Variants in LUZP2 observed in about 807,000 individuals in gnomAD.
The protein encoded by LUZP2 is leucine zipper protein 2.
LUZP2 carries 52 observed loss-of-function variants against 51.6 expected under a neutral mutation model. That is an observed-to-expected ratio of 1.01 (90% CI 0.81 to 1.27). LUZP2 has a LOEUF of 1.27. Ranked by LOEUF, LUZP2 falls within the 50% of genes most tolerant of loss-of-function variation. The pLI, the probability that LUZP2 is intolerant of heterozygous loss-of-function variation, is 0.00. For missense variants in LUZP2, 436 were observed against 395.4 expected (o/e 1.10, Z -0.87); for synonymous variants, 154 against 137.3 (o/e 1.12, Z -0.85).
At chr11:24,746,289 T>G (rs184408631) in intron 4 of LUZP2, among the ~76,000 whole-genome samples, 141 of 152,316 alleles carry the variant, frequency 9.3e-4, no homozygotes, top group African/African-American at 3.2e-3. Context: ...CAGAAAAGAC[T>G]GCATCTTTCC....
intron 9 of LUZP2, among the ~76,000 whole-genome samples, chr11:25,001,638 T>A (rs904001473): frequency 6.6e-6 from 1 of 152,186 alleles, no homozygotes; most frequent in East Asian, 1.9e-4. Flanking sequence ...TTTAAATTTA[T>A]CCTGGCTTTT....
At chr11:24,632,598 T>C (rs113688703) in intron 1 of LUZP2, among the ~76,000 whole-genome samples, 8 of 152,044 alleles carry the variant, frequency 5.3e-5, no homozygotes, top group African/African-American at 1.7e-4. Flanking sequence ...AATCAGCACA[T>C]GAAAATTCCT....
intron 4 of LUZP2, among the ~76,000 whole-genome samples, chr11:24,743,921 A>G (rs1565112572): frequency 6.6e-6 from 1 of 151,970 alleles, no homozygotes; most frequent in Non-Finnish European, 1.5e-5. Flanking sequence ...GTTTTGGAGA[A>G]TGCTTGTTCT....
intron 5 of LUZP2, chr11:24,891,967 G>A (rs1852869083): frequency 1.0e-6 from 1 of 985,630 alleles, no homozygotes; most frequent in African/African-American, 1.7e-5. Context: ...TCAGCAGGGT[G>A]TCCAGTACAG....
intron 1 of LUZP2, among the ~76,000 whole-genome samples, chr11:24,694,491 A>G (rs1857180311): frequency 6.6e-6 from 1 of 152,076 alleles, no homozygotes. Context: ...GAATTAATAG[A>G]AGTACTTGGA....
At chr11:25,064,399 C>A (rs989036897) in intron 10 of LUZP2, among the ~76,000 whole-genome samples, 2 of 151,806 alleles carry the variant, frequency 1.3e-5, no homozygotes, top group Non-Finnish European at 1.5e-5. Flanking sequence ...TTATCTCTTT[C>A]TTTATGTGTT....
intron 5 of LUZP2, among the ~76,000 whole-genome samples, chr11:24,778,019 T>C (rs1301985571): frequency 6.6e-6 from 1 of 152,148 alleles, no homozygotes; most frequent in Non-Finnish European, 1.5e-5. Flanking sequence ...TTGAATAGGT[T>C]ATATTTCTAT....
chr11:24,543,241 G>A (rs998740696), intron 1 of LUZP2, among the ~76,000 whole-genome samples: 11 of 149,836 alleles, frequency 7.3e-5, no homozygotes, highest in Admixed American at 6.6e-5. Context: ...ATACATCTGC[G>A]AAAGGTATAC....
chr11:24,947,834 G>T (rs150738330), intron 7 of LUZP2, among the ~76,000 whole-genome samples: 1 of 151,742 alleles, frequency 6.6e-6, no homozygotes, highest in Non-Finnish European at 1.5e-5. Context: ...TGTTAGTCTT[G>T]GTGTGGTCTC....
intron 1 of LUZP2, among the ~76,000 whole-genome samples, chr11:24,630,921 G>A (rs1265493486): frequency 2.0e-5 from 3 of 151,464 alleles, no homozygotes; most frequent in Non-Finnish European, 4.4e-5. Context: ...TCCTCTACTT[G>A]GTTAAATATA....
intron 5 of LUZP2, among the ~76,000 whole-genome samples, chr11:24,905,570 G>A (rs183820623): frequency 9.9e-5 from 15 of 152,088 alleles, no homozygotes; most frequent in East Asian, 9.7e-4. Context: ...GTTAAACTGC[G>A]CTCTAGACCA....
At chr11:24,740,888 T>C (rs2133987864) in intron 4 of LUZP2, among the ~76,000 whole-genome samples, 1 of 152,236 alleles carries the variant, frequency 6.6e-6, no homozygotes, top group Middle Eastern at 3.4e-3. Flanking sequence ...TATGAGATGA[T>C]GCATGCACTG....
At chr11:24,985,394 G>C (rs1025062192) in intron 9 of LUZP2, among the ~76,000 whole-genome samples, 1 of 151,570 alleles carries the variant, frequency 6.6e-6, no homozygotes, top group African/African-American at 2.4e-5. Flanking sequence ...TATTTGTTAT[G>C]TAGAAAATAA....
intron 1 of LUZP2, among the ~76,000 whole-genome samples, chr11:24,698,219 C>A (rs963023402): frequency 6.6e-6 from 1 of 152,200 alleles, no homozygotes; most frequent in Non-Finnish European, 1.5e-5. Context: ...GGCTGTAAAA[C>A]TACTTTTGTA....
chr11:24,628,801 C>T (rs752519054), intron 1 of LUZP2, among the ~76,000 whole-genome samples: 5 of 152,064 alleles, frequency 3.3e-5, no homozygotes, highest in African/African-American at 7.2e-5. Flanking sequence ...TCAAGTGATC[C>T]GCTCATTTTG....
intron 10 of LUZP2, among the ~76,000 whole-genome samples, chr11:25,057,601 T>C (rs1858725782): frequency 6.6e-6 from 1 of 152,184 alleles, no homozygotes; most frequent in South Asian, 2.1e-4. Context: ...ACATTGAACA[T>C]TGTATTTTAA....
intron 10 of LUZP2, among the ~76,000 whole-genome samples, chr11:25,064,422 T>C (rs565660547): frequency 3.9e-5 from 6 of 152,176 alleles, no homozygotes; most frequent in Non-Finnish European, 7.4e-5. Context: ...TGATGACTCT[T>C]AAAAAACATG....
At chr11:24,968,772 C>T (rs1297939166) in intron 7 of LUZP2, among the ~76,000 whole-genome samples, 1 of 152,180 alleles carries the variant, frequency 6.6e-6, no homozygotes, top group Non-Finnish European at 1.5e-5. Context: ...GCTTCAATTG[C>T]TCAGTGCAAC....
chr11:24,740,435 A>T (rs1485953047), intron 4 of LUZP2, among the ~76,000 whole-genome samples: 1 of 152,050 alleles, frequency 6.6e-6, no homozygotes. Flanking sequence ...TGAACACTGG[A>T]TCTTGAGGGA....
Sources: allele counts gnomAD v4.1 joint callset (sites outside exome capture counted in the v4.1 genomes callset), GRCh38; gene constraint gnomAD v4.1.1; transcripts MANE v1.5; gene names NCBI Gene and HGNC (gene_info 2026-07-23, HGNC 2026-07-21).